FNDC3A: variants seen among roughly 807,000 people sequenced by gnomAD.
FNDC3A encodes fibronectin type-III domain-containing protein 3A.
A neutral mutation model predicts 148.9 loss-of-function variants in FNDC3A; 32 were observed. That is an observed-to-expected ratio of 0.21 (90% CI 0.16 to 0.29). The LOEUF is 0.29. Among genes scored for constraint, FNDC3A ranks in the 10% least tolerant of loss-of-function variants. The probability of loss-of-function intolerance (pLI) is 1.00; values close to 1 mark genes in which losing one functional copy is unlikely to be tolerated. For synonymous variants in FNDC3A, 472 were observed against 473.6 expected, an observed-to-expected ratio of 1.00 and a Z score of 0.04; for missense variants, 1,191 against 1,452.8, an observed-to-expected ratio of 0.82 and a Z score of 2.93.
chr13:49,102,018 A>C (rs963231184), intron 3 of FNDC3A, among the ~76,000 whole-genome samples: 22 of 151,852 alleles, frequency 1.4e-4, no homozygotes, highest in Middle Eastern at 3.4e-3. Flanking sequence ...TTAAATTTTT[A>C]TGTATTTATT....
At chr13:49,035,192 A>G (rs1874405425) in intron 2 of FNDC3A, among the ~76,000 whole-genome samples, 1 of 152,092 alleles carries the variant, frequency 6.6e-6, no homozygotes, top group African/African-American at 2.4e-5. Context: ...TATAAGTTCA[A>G]TGAGCTACAT....
At chr13:49,023,029 C>T (rs1429480110) in intron 2 of FNDC3A, among the ~76,000 whole-genome samples, 3 of 151,974 alleles carry the variant, frequency 2.0e-5, no homozygotes, top group Non-Finnish European at 2.9e-5. Flanking sequence ...ATTAACTTCA[C>T]ACATATTCAG....
intron 2 of FNDC3A, among the ~76,000 whole-genome samples, chr13:49,006,573 C>T (rs1952224395): frequency 6.6e-6 from 1 of 151,800 alleles, no homozygotes; most frequent in African/African-American, 2.4e-5. Flanking sequence ...CTGAGTTTAG[C>T]CTTGTACCTT....
chr13:49,191,076 G>A lies in FNDC3A; in HGVS notation c.2006G>A (p.Arg669Lys). Residue 669 changes from arginine to lysine, a missense_variant, in exon 18 of 26, where the codon AGA (arginine) becomes AAA (lysine). Transcript: ENST00000492622. ...AVPPGPCLPP[R>K]LQGRPKAKEI... ...CCTCCTGGCCCATGCCTCCCTCCCA[G>A]ATTACAGGGTAGACCCAAAGCAAAA... 2.5e-6 allele frequency: 4 copies of A among 1,613,938 alleles called. No individual in the cohort carries two copies. The highest frequency in any genetic ancestry group is 3.4e-6 in the Non-Finnish European group (4 of 1,179,968).
chr13:49,073,271 G>C (rs1050054558), intron 2 of FNDC3A, among the ~76,000 whole-genome samples: 7 of 152,032 alleles, frequency 4.6e-5, no homozygotes, highest in South Asian at 2.1e-4. Context: ...ATATGCAAAG[G>C]GTTCATACAA....
chr13:49,185,850 A>G (rs1355682024), intron 14 of FNDC3A, 114 bp from the exon 15 acceptor site: 2 of 790,124 alleles, frequency 2.5e-6, no homozygotes, highest in Non-Finnish European at 4.1e-6. Flanking sequence ...CCAAGCTAAA[A>G]AAAATGTATT....
chr13:49,127,790 T>C (rs927357987), intron 4 of FNDC3A, among the ~76,000 whole-genome samples: 2 of 152,198 alleles, frequency 1.3e-5, no homozygotes, highest in Non-Finnish European at 2.9e-5. Context: ...TCCACAGCCT[T>C]CCTCATCACA....
At chr13:49,127,496 A>C (rs1433183643) in intron 4 of FNDC3A, among the ~76,000 whole-genome samples, 4 of 152,196 alleles carry the variant, frequency 2.6e-5, no homozygotes, top group Non-Finnish European at 4.4e-5. Context: ...TGCTAAATCC[A>C]GTGGTCAGAT....
intron 16 of FNDC3A, chr13:49,187,801 T>C (rs1480100301): frequency 3.6e-5 from 23 of 643,916 alleles, no homozygotes; most frequent in East Asian, 3.0e-4. Flanking sequence ...TTGCCTGTTA[T>C]GATCCACTTT....
intron 8 of FNDC3A, among the ~76,000 whole-genome samples, chr13:49,164,842 G>A (rs991398420): frequency 6.6e-6 from 1 of 152,148 alleles, no homozygotes; most frequent in Admixed American, 6.5e-5. Context: ...AACTCCTGAG[G>A]TGATCCGCCT....
intron 3 of FNDC3A, among the ~76,000 whole-genome samples, chr13:49,101,619 T>G (rs1190895286): frequency 6.6e-6 from 1 of 152,092 alleles, no homozygotes; most frequent in Non-Finnish European, 1.5e-5. Flanking sequence ...AAATCAACTC[T>G]TCTTTTAATT....
chr13:49,083,090 A>G (rs1312881316), intron 3 of FNDC3A, among the ~76,000 whole-genome samples: 2 of 152,130 alleles, frequency 1.3e-5, no homozygotes, highest in Non-Finnish European at 2.9e-5. Flanking sequence ...GTCATCATCA[A>G]TGCTGTGATT....
At chr13:49,096,175 A>G (rs1173680079) in intron 3 of FNDC3A, among the ~76,000 whole-genome samples, 1 of 152,122 alleles carries the variant, frequency 6.6e-6, no homozygotes. Flanking sequence ...GCATCCAAAC[A>G]TGTCACCATT....
chr13:49,207,173 A>G lies in FNDC3A; in HGVS notation c.3375A>G (p.Gln1125=). Residue 1125 remains glutamine (Q), a synonymous_variant, in exon 26 of 26, where the codon CAA becomes CAG. Transcript: ENST00000492622. ...GTGTATGTGCCATTCGCCAGTGCCA[A>G]GACTCTCTGGGACACCAGGACCTCG... is the stretch of plus-strand genomic sequence containing the variant. ...RFRVCAIRQC[Q]DSLGHQDLVG... 6.2e-7 allele frequency: 1 copy of G among 1,614,160 alleles called. No individual in the cohort carries two copies. The highest frequency in any genetic ancestry group is 1.1e-5 in the South Asian group (1 of 91,092).
chr13:49,053,717 T>C (rs767901844), intron 2 of FNDC3A, among the ~76,000 whole-genome samples: 1 of 152,112 alleles, frequency 6.6e-6, no homozygotes, highest in Non-Finnish European at 1.5e-5. Context: ...ATTATGTAGA[T>C]GACGTCTCAT....
chr13:49,175,552 A>C lies in FNDC3A; in HGVS notation c.1530+11A>C. The C allele has an allele frequency of 6.3e-7, 1 of 1,577,992 alleles. No individual in the cohort carries two copies. Among genetic ancestry groups the C allele is most frequent in the Non-Finnish European group, 8.7e-7 (1 of 1,155,628 alleles). ...GAGGAAGAAACTTCAGTAAGTGCAAATATGGATTTTAAATAGTGTATTTAA... is the reference window on the plus strand; with the variant it reads ...GAGGAAGAAACTTCAGTAAGTGCAACTATGGATTTTAAATAGTGTATTTAA... On this transcript the variant is annotated intron_variant, in intron 13 of 25. Transcript: ENST00000492622.
chr13:49,079,177 A>G (rs890310100), intron 3 of FNDC3A, among the ~76,000 whole-genome samples: 1 of 152,194 alleles, frequency 6.6e-6, no homozygotes. Flanking sequence ...TAGTTTTTCT[A>G]CTGTATAGCA....
At chr13:49,110,203 T>A (rs1434756972) in intron 3 of FNDC3A, 1 of 466,090 alleles carries the variant, frequency 2.1e-6, no homozygotes. Flanking sequence ...CGGGAACGTT[T>A]GCTTTTTTTT....
chr13:48,998,600 A>G (rs541186707), intron 1 of FNDC3A, among the ~76,000 whole-genome samples: 1 of 152,218 alleles, frequency 6.6e-6, no homozygotes, highest in African/African-American at 2.4e-5. Context: ...TTTTGGTCCC[A>G]AGCATTTTGG....
Sources: allele counts gnomAD v4.1 joint callset (sites outside exome capture counted in the v4.1 genomes callset), GRCh38; gene constraint gnomAD v4.1.1; transcripts MANE v1.5; gene names NCBI Gene and HGNC (gene_info 2026-07-23, HGNC 2026-07-21).